Variants in KGD4 observed in about 807,000 individuals in gnomAD.
KGD4 encodes alpha-ketoglutarate dehydrogenase subunit 4.
At chr5:69,218,143 G>A in the KGD4 span, 1 of 526,196 alleles carries the variant, frequency 1.9e-6, no homozygotes, top group African/African-American at 2.0e-5. Flanking sequence ...GGGATCCCCC[G>A]CTCCTCCGCC....
chr5:69,218,470 ATGTGTGTG>A, the KGD4 span, among the ~76,000 whole-genome samples: 85 of 148,626 alleles, frequency 5.7e-4, no homozygotes, highest in South Asian at 2.8e-3. Context: ...GTGTATATTA[ATGTGTGTG>A]TGTGTGTGTG....
the KGD4 span, among the ~76,000 whole-genome samples, chr5:69,224,696 G>A: frequency 4.6e-5 from 7 of 152,052 alleles, no homozygotes; most frequent in Admixed American, 6.6e-5. Context: ...AGCAGGAGGC[G>A]GAGGTTGCGG....
At chr5:69,230,043 A>G in the KGD4 span, 8 of 151,798 alleles carry the variant, frequency 5.3e-5, no homozygotes, top group African/African-American at 1.7e-4. Flanking sequence ...TAAAATCAAC[A>G]TATTTACTTA....
chr5:69,220,868 T>A, the KGD4 span, among the ~76,000 whole-genome samples: 1 of 152,198 alleles, frequency 6.6e-6, no homozygotes, highest in South Asian at 2.1e-4. Flanking sequence ...TGGGATGCTG[T>A]TAATCTATAA....
At chr5:69,221,949 C>T in the KGD4 span, among the ~76,000 whole-genome samples, 1 of 38,326 alleles carries the variant, frequency 2.6e-5, no homozygotes, top group Non-Finnish European at 4.9e-5. Context: ...GGCAGATCAC[C>T]TGAGGTCAGG....
chr5:69,225,925 T>C, the KGD4 span, among the ~76,000 whole-genome samples: 1 of 152,110 alleles, frequency 6.6e-6, no homozygotes, highest in East Asian at 1.9e-4. Context: ...GAGACGGGGT[T>C]TCACCATGTT....
the KGD4 span, chr5:69,226,320 A>G: frequency 8.3e-6 from 13 of 1,559,492 alleles, no homozygotes; most frequent in Non-Finnish European, 1.1e-5. Flanking sequence ...TTTTTCATGC[A>G]TATTACTTTT....
chr5:69,229,434 T>G, the KGD4 span: 1 of 447,716 alleles, frequency 2.2e-6, no homozygotes, highest in African/African-American at 2.0e-5. Context: ...TTTATATACT[T>G]TATACTTATT....
chr5:69,225,978 G>T, the KGD4 span, among the ~76,000 whole-genome samples: 1 of 152,190 alleles, frequency 6.6e-6, no homozygotes, highest in Non-Finnish European at 1.5e-5. Context: ...CAATCTGCCT[G>T]TCTGGGCCTC....
chr5:69,229,937 G>A, the KGD4 span: 6 of 151,562 alleles, frequency 4.0e-5, no homozygotes, highest in African/African-American at 1.2e-4. Flanking sequence ...AGGTTGTAAG[G>A]AAGTCTTGTT....
the KGD4 span, among the ~76,000 whole-genome samples, chr5:69,219,599 C>T: frequency 6.6e-6 from 1 of 152,054 alleles, no homozygotes; most frequent in African/African-American, 2.4e-5. Flanking sequence ...GTGAGATATA[C>T]AGTAAGGAAT....
At chr5:69,228,574 C>T in the KGD4 span, among the ~76,000 whole-genome samples, 1 of 152,138 alleles carries the variant, frequency 6.6e-6, no homozygotes, top group African/African-American at 2.4e-5. Context: ...TGTAAATATG[C>T]ATGATATATC....
chr5:69,220,151 T>C, the KGD4 span, among the ~76,000 whole-genome samples: 1 of 151,564 alleles, frequency 6.6e-6, no homozygotes, highest in African/African-American at 2.4e-5. Context: ...AGATTGAGCC[T>C]GGGTGATCAA....
the KGD4 span, among the ~76,000 whole-genome samples, chr5:69,221,073 A>T: frequency 6.6e-6 from 1 of 152,156 alleles, no homozygotes; most frequent in Non-Finnish European, 1.5e-5. Flanking sequence ...TCTGCCTAGG[A>T]AAACCAGAGA....
At chr5:69,227,710 G>A in the KGD4 span, among the ~76,000 whole-genome samples, 1 of 152,198 alleles carries the variant, frequency 6.6e-6, no homozygotes, top group African/African-American at 2.4e-5. Context: ...GTTGGCCTAT[G>A]AGGGGTTATG....
At chr5:69,222,505 G>T in the KGD4 span, among the ~76,000 whole-genome samples, 5 of 152,228 alleles carry the variant, frequency 3.3e-5, no homozygotes, top group African/African-American at 1.2e-4. Flanking sequence ...CACAATGGGT[G>T]TTGTGAGTGC....
the KGD4 span, among the ~76,000 whole-genome samples, chr5:69,224,660 A>T: frequency 2.6e-5 from 4 of 152,144 alleles, 1 homozygote; most frequent in African/African-American, 9.7e-5. Context: ...TGGGAGGCTA[A>T]GGCAAGAAGA....
the KGD4 span, among the ~76,000 whole-genome samples, chr5:69,223,074 CTTTTTTT>C: frequency 1.7e-5 from 1 of 59,128 alleles, no homozygotes; most frequent in Non-Finnish European, 2.8e-5. Context: ...CGGTGCGCAG[CTTTTTTT>C]TTTTTTTTTT....
chr5:69,221,036 T>A, the KGD4 span, among the ~76,000 whole-genome samples: 1 of 152,170 alleles, frequency 6.6e-6, no homozygotes, highest in Non-Finnish European at 1.5e-5. Flanking sequence ...CCCAGGGACG[T>A]AAACACTGCG....
Sources: gnomAD v4.1 joint callset for allele counts (sites outside exome capture counted in the v4.1 genomes callset) on GRCh38, gnomAD v4.1.1 for gene constraint, MANE v1.5 for transcripts, NCBI Gene and HGNC (gene_info 2026-07-23, HGNC 2026-07-21) for gene names.